ESR2: variants seen among roughly 807,000 people sequenced by gnomAD.
ESR2 encodes the protein estrogen receptor beta.
ESR2 carries 36 observed loss-of-function variants against 49.6 expected under a neutral mutation model. That is an observed-to-expected ratio of 0.73 (90% confidence interval 0.56 to 0.96). The LOEUF (loss-of-function observed/expected upper bound fraction) is 0.96. Ranked by LOEUF, ESR2 falls within the 40% of genes least tolerant of loss-of-function variation. ESR2 has a pLI of 0.00. For missense variants in ESR2, 714 were observed against 693.0 expected (o/e 1.03, Z -0.34); for synonymous variants, 320 against 266.1 (o/e 1.20, Z -1.97).
At chr14:64,303,209 A>C (rs2077048356) in intron 1 of ESR2, among the ~76,000 whole-genome samples, 1 of 152,248 alleles carries the variant, frequency 6.6e-6, no homozygotes, top group Non-Finnish European at 1.5e-5. Context: ...TCTCCTCGCC[A>C]GAAGGGAGCT....
Position 64,282,878 on chromosome 14 carries a change from A to G in ESR2, c.108T>C (p.Tyr36=), listed in dbSNP as rs1433664379. The change falls in exon 2 of 9, where the codon TAT becomes TAC. Residue 36 remains tyrosine, a synonymous_variant. Transcript: ENST00000341099. ...CTGGATATTCATGGTGGCTGTCTACATAGGAGGAAGGTATGTATATGGAGC... is the reference window on the plus strand; with the variant it reads ...CTGGATATTCATGGTGGCTGTCTACGTAGGAGGAAGGTATGTATATGGAGC... ...EHGSIYIPSS[Y]VDSHHEYPAM... The G allele has an allele frequency of 3.7e-6, 6 of 1,614,128 alleles. No homozygotes were observed. The highest frequency in any genetic ancestry group is 5.1e-6 in the Non-Finnish European group (6 of 1,180,054).
At chr14:64,274,184 G>C (rs2076508128) in intron 3 of ESR2, among the ~76,000 whole-genome samples, 1 of 151,882 alleles carries the variant, frequency 6.6e-6, no homozygotes, top group Non-Finnish European at 1.5e-5. Context: ...CTGGGTTAAG[G>C]TGATCCTCCT....
intron 8 of ESR2, 141 bp downstream of exon 8, chr14:64,234,829 G>A (rs2098730882): frequency 9.6e-6 from 14 of 1,464,820 alleles, no homozygotes; most frequent in African/African-American, 2.8e-5. Flanking sequence ...GCTTACAGGT[G>A]TGTGAACTGA....
intron 5 of ESR2, among the ~76,000 whole-genome samples, chr14:64,257,855 TG>T (rs1442834587): frequency 6.6e-6 from 1 of 152,208 alleles, no homozygotes; most frequent in Non-Finnish European, 1.5e-5. Flanking sequence ...AGGATTTCTC[TG>T]ATTGATTAAA....
At chr14:64,290,983 T>C (rs557770352) in intron 1 of ESR2, among the ~76,000 whole-genome samples, 1 of 151,328 alleles carries the variant, frequency 6.6e-6, no homozygotes, top group African/African-American at 2.4e-5. Context: ...TGGGAGAGAG[T>C]TCATCAGTCT....
intron 4 of ESR2, among the ~76,000 whole-genome samples, chr14:64,267,610 C>T (rs574372011): frequency 3.3e-5 from 5 of 152,100 alleles, no homozygotes; most frequent in African/African-American, 1.2e-4. Context: ...GGTACAGTGG[C>T]TCACACCTGT....
rs190493379 is a variant in ESR2, at chr14:64,324,090, G to A, written c.-91+13808C>T. Among the ~76,000 whole-genome samples, 40 of 152,298 alleles carry A rather than the reference G, an allele frequency of 2.6e-4. No individual in the cohort carries two copies. In the East Asian group the frequency reaches 3.3e-3, roughly 12 times the overall value. On this transcript the variant is annotated intron_variant, in intron 1 of 8. Transcript: ENST00000358599. Reference sequence around the variant, plus strand: ...GTTTGTGAGTAAAAGAAATGAGTGCGGTAGCCAGACTTTTAAGATGACCAC... The same window carrying A: ...GTTTGTGAGTAAAAGAAATGAGTGCAGTAGCCAGACTTTTAAGATGACCAC...
intron 6 of ESR2, among the ~76,000 whole-genome samples, chr14:64,253,571 T>TGA (rs1406153476): frequency 8.5e-6 from 1 of 117,216 alleles, no homozygotes; most frequent in African/African-American, 3.7e-5. Flanking sequence ...TGTGTGTGTG[T>TGA]GTGTGTGTGT....
chr14:64,236,346 C>G (rs1158387549), intron 7 of ESR2, among the ~76,000 whole-genome samples: 1 of 152,118 alleles, frequency 6.6e-6, no homozygotes. Context: ...ATTGGTTCTT[C>G]CAGAATCCCC....
At chr14:64,243,011 C>T (rs932284287) in intron 7 of ESR2, among the ~76,000 whole-genome samples, 2 of 152,190 alleles carry the variant, frequency 1.3e-5, no homozygotes, top group African/African-American at 4.8e-5. Context: ...TATTCACTAT[C>T]ATGAGAACAG....
chr14:64,251,491 T>C (rs956704117), intron 6 of ESR2, among the ~76,000 whole-genome samples: 4 of 152,068 alleles, frequency 2.6e-5, no homozygotes, highest in Admixed American at 2.6e-4. Flanking sequence ...AATCCTATTT[T>C]CCAGAAGTAC....
Position 64,283,050 on chromosome 14 carries a change from C to A in ESR2, c.-65G>T. ...GGCACAAAGGTCATTATAATGTTCTCAAAGATTCGTGGGCAAGTATAATGG... is the reference window on the plus strand; with the variant it reads ...GGCACAAAGGTCATTATAATGTTCTAAAAGATTCGTGGGCAAGTATAATGG... On this transcript the variant is annotated 5_prime_UTR_variant, in exon 2 of 9. Transcript: ENST00000341099. 1.3e-6 allele frequency: 2 copies of A among 1,513,278 alleles called. No homozygotes were observed. Among genetic ancestry groups the A allele is most frequent in the Non-Finnish European group, 1.8e-6 (2 of 1,126,622 alleles). The allele number at this position is 1,513,278 out of a possible 1,614,324, so 93.7% of individuals were successfully genotyped here.
intron 7 of ESR2, 135 bp from the exon 8 acceptor site, chr14:64,235,285 G>C (rs993588276): frequency 1.1e-6 from 1 of 875,660 alleles, no homozygotes; most frequent in Non-Finnish European, 1.7e-6. Flanking sequence ...GAGCTTATAA[G>C]CATGGTCTTA....
intron 7 of ESR2, among the ~76,000 whole-genome samples, chr14:64,241,896 G>A (rs983726935): frequency 1.3e-5 from 2 of 152,000 alleles, no homozygotes; most frequent in East Asian, 3.8e-4. Flanking sequence ...CTCTTTTCTT[G>A]CCTTAATGCA....
intron 1 of ESR2, among the ~76,000 whole-genome samples, chr14:64,322,124 T>A (rs1024040312): frequency 6.6e-6 from 1 of 152,156 alleles, no homozygotes; most frequent in African/African-American, 2.4e-5. Flanking sequence ...AATAGCATGA[T>A]CTCAGCTCAC....
chr14:64,248,119 AGGAGGTC>A (rs1240086397), intron 7 of ESR2, among the ~76,000 whole-genome samples: 1 of 152,176 alleles, frequency 6.6e-6, no homozygotes, highest in Non-Finnish European at 1.5e-5. Context: ...ACTTGAGCCC[AGGAGGTC>A]GGAACTGCAG....
chr14:64,248,404 G>A (rs1413117566), intron 7 of ESR2, among the ~76,000 whole-genome samples: 1 of 150,282 alleles, frequency 6.7e-6, no homozygotes, highest in African/African-American at 2.5e-5. Flanking sequence ...AGCTACTTGT[G>A]AGGCCAAGGT....
chr14:64,241,090 G>A (rs943534683), intron 7 of ESR2, among the ~76,000 whole-genome samples: 5 of 145,634 alleles, frequency 3.4e-5, no homozygotes, highest in Admixed American at 1.4e-4. Context: ...AGCTTGCAGT[G>A]AGCCGAGATT....
intron 4 of ESR2, among the ~76,000 whole-genome samples, chr14:64,263,819 T>C (rs2076270423): frequency 6.6e-6 from 1 of 152,180 alleles, no homozygotes; most frequent in Non-Finnish European, 1.5e-5. Flanking sequence ...ATGCAGAATA[T>C]TTGAACCACA....
Sources: allele counts gnomAD v4.1 joint callset (sites outside exome capture counted in the v4.1 genomes callset), GRCh38; gene constraint gnomAD v4.1.1; transcripts MANE v1.5; gene names NCBI Gene and HGNC (gene_info 2026-07-23, HGNC 2026-07-21).